KDM4C: variants seen among roughly 807,000 people sequenced by gnomAD.
KDM4C encodes the protein lysine-specific demethylase 4C.
A neutral mutation model predicts 129.3 loss-of-function variants in KDM4C; 81 were observed. That is an observed-to-expected ratio of 0.63 (90% CI 0.52 to 0.75). KDM4C has a LOEUF of 0.75. Among genes scored for constraint, KDM4C ranks in the 30% least tolerant of loss-of-function variants. The pLI, the probability that KDM4C is intolerant of heterozygous loss-of-function variation, is 0.00. For missense variants in KDM4C, 1,457 were observed against 1,304.0 expected, an observed-to-expected ratio of 1.12 and a Z score of -1.81; for synonymous variants, 573 against 456.1, an observed-to-expected ratio of 1.26 and a Z score of -3.26.
intron 17 of KDM4C, among the ~76,000 whole-genome samples, chr9:7,099,041 G>T (rs1836783192): frequency 6.6e-6 from 1 of 152,186 alleles, no homozygotes; most frequent in Non-Finnish European, 1.5e-5. Flanking sequence ...AGCTGGGAGT[G>T]TTAACTTGCT....
intron 4 of KDM4C, among the ~76,000 whole-genome samples, chr9:6,837,912 T>G (rs6477115): frequency 0.52 from 79,167 of 151,918 alleles, 21,151 homozygotes; most frequent in African/African-American, 0.62. Flanking sequence ...TTCTGTCTTA[T>G]AATGTTGCAT....
At chr9:7,085,277 C>A (rs1834981430) in intron 17 of KDM4C, among the ~76,000 whole-genome samples, 1 of 152,224 alleles carries the variant, frequency 6.6e-6, no homozygotes, top group Admixed American at 6.5e-5. Context: ...TTCTTCGGAC[C>A]TCAGTTTCTT....
At position 7,175,190 on chromosome 9, in the gene KDM4C, T is replaced by TAA. The variant is rs1845333175; in HGVS notation, c.*461_*462insAA. The TAA allele has an allele frequency of 6.5e-6, 1 of 154,468 alleles. No individual in the cohort carries two copies. The highest frequency in any genetic ancestry group is 6.4e-5 in the Admixed American group (1 of 15,554). 9.6% of individuals were successfully genotyped at this position (154,468 alleles called of 1,614,324 possible). On this transcript the variant is annotated 3_prime_UTR_variant, in exon 22 of 22. Transcript: ENST00000381309. The stretch of plus-strand genomic sequence containing the variant: ...AGTCAGGGAAGGACTCTCACTTATT[T>TAA]GTTTCAAATTGCAGTTTTTATAAAA...
At chr9:7,040,442 A>G (rs1828403309) in intron 15 of KDM4C, among the ~76,000 whole-genome samples, 1 of 149,980 alleles carries the variant, frequency 6.7e-6, no homozygotes, top group South Asian at 2.1e-4. Flanking sequence ...TGTTGAAGAT[A>G]CTAAAAAATG....
chr9:6,832,428 CTTT>C (rs758428561), intron 4 of KDM4C, among the ~76,000 whole-genome samples: 5 of 133,752 alleles, frequency 3.7e-5, no homozygotes, highest in Admixed American at 7.7e-5. Flanking sequence ...TCTTTTTTTT[CTTT>C]TTTTTTTTTT....
At chr9:6,808,439 T>G in intron 3 of KDM4C, among the ~76,000 whole-genome samples, 1 of 116,494 alleles carries the variant, frequency 8.6e-6, no homozygotes, top group Admixed American at 9.1e-5. Flanking sequence ...CCACTCAGGG[T>G]TAAATGGATT....
At chr9:6,998,824 C>G (rs577578410) in intron 12 of KDM4C, among the ~76,000 whole-genome samples, 6 of 151,900 alleles carry the variant, frequency 3.9e-5, no homozygotes, top group Admixed American at 3.9e-4. Flanking sequence ...AACAAACAAA[C>G]AACAACAACA....
intron 8 of KDM4C, among the ~76,000 whole-genome samples, chr9:6,968,228 C>T (rs1447972824): frequency 1.3e-5 from 2 of 152,126 alleles, no homozygotes; most frequent in Non-Finnish European, 2.9e-5. Context: ...ATAATCCTAG[C>T]ATTTTGGGAG....
upstream of KDM4C, chr9:6,757,497 C>T: frequency 2.3e-6 from 1 of 427,320 alleles, no homozygotes; most frequent in Non-Finnish European, 3.1e-6. Flanking sequence ...GCTCAGTGGT[C>T]CCGGCCACCG....
At chr9:7,095,286 C>T (rs540681791) in intron 17 of KDM4C, among the ~76,000 whole-genome samples, 4 of 152,356 alleles carry the variant, frequency 2.6e-5, no homozygotes, top group South Asian at 4.1e-4. Flanking sequence ...TCTGAAAAAA[C>T]GTCAGCAAAC....
chr9:6,942,932 C>G (rs1826221167), intron 8 of KDM4C, among the ~76,000 whole-genome samples: 2 of 152,268 alleles, frequency 1.3e-5, no homozygotes, highest in Admixed American at 1.3e-4. Context: ...GTGGCATGAT[C>G]ACGGCCCCTT....
chr9:6,799,438 G>A (rs969431041), intron 2 of KDM4C, among the ~76,000 whole-genome samples: 15 of 152,118 alleles, frequency 9.9e-5, no homozygotes, highest in African/African-American at 3.1e-4. Context: ...GGCGGCGCGC[G>A]TCTGCAATCG....
chr9:7,165,187 G>T, intron 19 of KDM4C, 51 bp from the exon 20 acceptor site: 1 of 1,598,674 alleles, frequency 6.3e-7, no homozygotes, highest in Non-Finnish European at 8.5e-7. Context: ...AGTTCTAAAT[G>T]CAGTCACTTA....
At chr9:6,884,790 A>AT (rs1182838064) in intron 6 of KDM4C, among the ~76,000 whole-genome samples, 1 of 152,200 alleles carries the variant, frequency 6.6e-6, no homozygotes, top group African/African-American at 2.4e-5. Flanking sequence ...ATTTTTGGTG[A>AT]TTTAATACTA....
intron 5 of KDM4C, among the ~76,000 whole-genome samples, chr9:6,850,450 T>C (rs1838632735): frequency 6.6e-6 from 1 of 152,064 alleles, no homozygotes; most frequent in African/African-American, 2.4e-5. Flanking sequence ...TTTTATTTTA[T>C]TTTATTTTTT....
At chr9:7,157,582 G>A (rs529615520) in intron 19 of KDM4C, among the ~76,000 whole-genome samples, 29 of 152,182 alleles carry the variant, frequency 1.9e-4, no homozygotes, top group Middle Eastern at 6.8e-3. Flanking sequence ...GAATTTTGTC[G>A]AAGGCCTTTT....
chr9:6,990,072 C>A (rs563754049), intron 11 of KDM4C, among the ~76,000 whole-genome samples: 1 of 152,134 alleles, frequency 6.6e-6, no homozygotes, highest in Non-Finnish European at 1.5e-5. Flanking sequence ...GCCACTGTGC[C>A]TGGCCTATAA....
chr9:6,732,313 T>C (rs4742253), intron 1 of KDM4C, among the ~76,000 whole-genome samples: 35,324 of 135,498 alleles, frequency 0.26, 4,702 homozygotes, highest in East Asian at 0.41. Context: ...TGCAGTGAGC[T>C]GAGATCATGC....
At chr9:6,768,880 C>T (rs929271679) in intron 1 of KDM4C, among the ~76,000 whole-genome samples, 1 of 152,042 alleles carries the variant, frequency 6.6e-6, no homozygotes, top group Non-Finnish European at 1.5e-5. Context: ...TCAAGTGATT[C>T]TCCTGCCTCA....
Sources: gnomAD v4.1 joint callset for allele counts (sites outside exome capture counted in the v4.1 genomes callset) on GRCh38, gnomAD v4.1.1 for gene constraint, MANE v1.5 for transcripts, NCBI Gene and HGNC (gene_info 2026-07-23, HGNC 2026-07-21) for gene names.